PSMD14: variants seen among roughly 807,000 people sequenced by gnomAD.
PSMD14 encodes proteasome 26S subunit, non-ATPase 14, also known as ubiquitin C-terminal hydrolase PSMD14.
PSMD14 carries 7 observed loss-of-function variants against 41.2 expected under a neutral mutation model. That is an observed-to-expected ratio of 0.17 (90% CI 0.10 to 0.32). PSMD14 has a LOEUF of 0.32. Among genes scored for constraint, PSMD14 ranks in the 10% least tolerant of loss-of-function variants. PSMD14 has a pLI of 1.00. For synonymous variants in PSMD14, 114 were observed against 122.3 expected (o/e 0.93, Z 0.45); for missense variants, 139 against 375.6 (o/e 0.37, Z 5.21).
chr2:161,332,004 G>T (rs943293441), intron 3 of PSMD14, among the ~76,000 whole-genome samples: 2 of 152,082 alleles, frequency 1.3e-5, no homozygotes, highest in Admixed American at 1.3e-4. Context: ...ATTTCTTTAG[G>T]TAGATAAAAT....
chr2:161,366,859 G>A (rs1032793072), intron 3 of PSMD14, among the ~76,000 whole-genome samples: 3 of 152,152 alleles, frequency 2.0e-5, no homozygotes, highest in African/African-American at 4.8e-5. Flanking sequence ...TGTTTTAAAG[G>A]TAGTGGTTAG....
At chr2:161,336,112 GGTCTCCACCTTTTATTCATT>G (rs1682865209) in intron 3 of PSMD14, among the ~76,000 whole-genome samples, 1 of 17,082 alleles carries the variant, frequency 5.9e-5, no homozygotes, top group Admixed American at 7.9e-4. Flanking sequence ...TTGTAAATAT[GGTCTCCACCTTTTATTCATT>G]TGGTCTCCAC....
intron 5 of PSMD14, among the ~76,000 whole-genome samples, chr2:161,369,548 G>A (rs1471499290): frequency 6.6e-6 from 1 of 152,002 alleles, no homozygotes; most frequent in African/African-American, 2.4e-5. Context: ...AAGTACATTA[G>A]ATTTAGATTC....
chr2:161,353,186 A>T (rs1171000699), intron 3 of PSMD14, among the ~76,000 whole-genome samples: 3 of 152,210 alleles, frequency 2.0e-5, no homozygotes, highest in Admixed American at 6.5e-5. Context: ...GGTCCTTAAG[A>T]CTTAATATTT....
At chr2:161,317,985 T>C (rs1326341357) in intron 2 of PSMD14, among the ~76,000 whole-genome samples, 3 of 152,196 alleles carry the variant, frequency 2.0e-5, no homozygotes, top group Non-Finnish European at 4.4e-5. Context: ...TAAGGCCATA[T>C]AAGTACACTT....
At chr2:161,407,232 C>T (rs1683959507) in intron 10 of PSMD14, among the ~76,000 whole-genome samples, 1 of 152,032 alleles carries the variant, frequency 6.6e-6, no homozygotes. Context: ...TCAATGTTTC[C>T]ATTTATGTAA....
At chr2:161,330,130 G>T (rs983730121) in intron 3 of PSMD14, among the ~76,000 whole-genome samples, 2 of 152,152 alleles carry the variant, frequency 1.3e-5, no homozygotes, top group Non-Finnish European at 2.9e-5. Context: ...AATGGAAGGG[G>T]ATTGGTGATA....
chr2:161,332,293 G>T (rs931442967), intron 3 of PSMD14, among the ~76,000 whole-genome samples: 1 of 152,124 alleles, frequency 6.6e-6, no homozygotes, highest in Non-Finnish European at 1.5e-5. Context: ...TTAAAAGAAG[G>T]TTTACATTTC....
intron 3 of PSMD14, among the ~76,000 whole-genome samples, chr2:161,345,236 C>CTTTTTTTT (rs869245727): frequency 2.3e-4 from 13 of 57,032 alleles, no homozygotes; most frequent in Non-Finnish European, 3.0e-4. Flanking sequence ...ATCTCTGTGT[C>CTTTTTTTT]TTTTTTTTTT....
Position 161,390,216 on chromosome 2 carries a change from A to C in PSMD14, c.571-888A>C, listed in dbSNP as rs564397152. ...ATTGTAAAAGTCTATTAGTTAGAGA[A>C]GTGGTGGTTATTTTGGTTAGTTTTT... On this transcript the variant is annotated intron_variant, in intron 8 of 11. Coordinates refer to ENST00000409682, the MANE Select transcript of PSMD14 (RefSeq NM_005805.6). Among the ~76,000 whole-genome samples the C allele has an allele frequency of 5.3e-5, 8 of 152,054 alleles. No individual in the cohort carries two copies. The South Asian group carries it at 1.7e-3, about 32-fold the overall frequency.
intron 3 of PSMD14, chr2:161,340,849 C>G (rs1442400765): frequency 5.0e-6 from 8 of 1,613,902 alleles, no homozygotes; most frequent in Admixed American, 3.3e-5. Context: ...TCCAGCTCCT[C>G]TTTGGTCATC....
chr2:161,365,632 T>A (rs936238817), intron 3 of PSMD14, among the ~76,000 whole-genome samples: 2 of 152,220 alleles, frequency 1.3e-5, no homozygotes, highest in Non-Finnish European at 2.9e-5. Flanking sequence ...TCAGGAATAA[T>A]TTTATGAATA....
chr2:161,385,102 T>C (rs1683617172), intron 7 of PSMD14: 1 of 154,892 alleles, frequency 6.5e-6, no homozygotes, highest in Non-Finnish European at 1.4e-5. Context: ...ACTTTCAGTT[T>C]TAGTTTCTCT....
chr2:161,393,892 A>C (rs938045098), intron 9 of PSMD14, among the ~76,000 whole-genome samples: 4 of 151,690 alleles, frequency 2.6e-5, no homozygotes, highest in African/African-American at 9.7e-5. Context: ...TTTGAGAAAC[A>C]TTGAACTAAG....
At chr2:161,345,762 C>T (rs1489650421) in intron 3 of PSMD14, among the ~76,000 whole-genome samples, 1 of 152,130 alleles carries the variant, frequency 6.6e-6, no homozygotes, top group Non-Finnish European at 1.5e-5. Flanking sequence ...ATTCTCCTAC[C>T]ACCCTTCCCA....
chr2:161,401,531 CAGA>C (rs1683877869), intron 10 of PSMD14, among the ~76,000 whole-genome samples: 1 of 152,168 alleles, frequency 6.6e-6, no homozygotes, highest in South Asian at 2.1e-4. Flanking sequence ...TATGTTACAG[CAGA>C]AGAAGGGGAA....
chr2:161,368,410 G>C (rs1245503537), intron 5 of PSMD14, among the ~76,000 whole-genome samples: 1 of 152,004 alleles, frequency 6.6e-6, no homozygotes, highest in East Asian at 1.9e-4. Context: ...TAGCAAACCT[G>C]AATATTTTTT....
intron 3 of PSMD14, among the ~76,000 whole-genome samples, chr2:161,337,668 G>C (rs1174343836): frequency 6.6e-6 from 1 of 152,164 alleles, no homozygotes; most frequent in Non-Finnish European, 1.5e-5. Context: ...TATGGTGACG[G>C]TCCCATGGCT....
At chr2:161,312,369 C>G (rs182147628) in intron 1 of PSMD14, among the ~76,000 whole-genome samples, 8 of 152,222 alleles carry the variant, frequency 5.3e-5, no homozygotes, top group Admixed American at 3.3e-4. Flanking sequence ...GTCTTGAACC[C>G]CTGACCTCAA....
Sources: gnomAD v4.1 joint callset for allele counts (sites outside exome capture counted in the v4.1 genomes callset) on GRCh38, gnomAD v4.1.1 for gene constraint, MANE v1.5 for transcripts, NCBI Gene and HGNC (gene_info 2026-07-23, HGNC 2026-07-21) for gene names.